SYT16: variants seen among roughly 807,000 people sequenced by gnomAD.
The protein encoded by SYT16 is synaptotagmin-16.
SYT16 carries 42 observed loss-of-function variants against 61.4 expected under a neutral mutation model. The ratio of observed to expected loss-of-function variants is 0.68; its 90% confidence interval spans 0.53 to 0.89. The LOEUF is 0.89. Ranked by LOEUF, SYT16 falls within the 40% of genes least tolerant of loss-of-function variation. SYT16 has a pLI of 0.00. For missense variants in SYT16, 804 were observed against 807.3 expected, an observed-to-expected ratio of 1.00 and a Z score of 0.05; for synonymous variants, 314 against 302.3, an observed-to-expected ratio of 1.04 and a Z score of -0.40.
intron 1 of SYT16, among the ~76,000 whole-genome samples, chr14:61,864,036 A>C (rs1231721202): frequency 2.6e-5 from 4 of 152,220 alleles, no homozygotes; most frequent in Non-Finnish European, 4.4e-5. Context: ...GGGTAGTATC[A>C]GTCCTCCAAC....
intron 1 of SYT16, among the ~76,000 whole-genome samples, chr14:61,842,738 A>G (rs2046334142): frequency 6.6e-6 from 1 of 150,896 alleles, no homozygotes; most frequent in Admixed American, 6.6e-5. Context: ...GAACACATGG[A>G]CACAGGAAGG....
At chr14:61,831,916 G>A in intron 1 of SYT16, 2 of 508,414 alleles carry the variant, frequency 3.9e-6, no homozygotes, top group Non-Finnish European at 7.6e-6. Flanking sequence ...AGCCCTGCAG[G>A]GGTTCACCTC....
At chr14:62,079,852 T>A (rs8006191) in intron 5 of SYT16, among the ~76,000 whole-genome samples, 74,170 of 152,010 alleles carry the variant, frequency 0.49, 19,642 homozygotes, top group African/African-American at 0.7. Context: ...AGTGGCTGCA[T>A]GTAAATTGCT....
chr14:61,827,032 C>A (rs188992278), intron 1 of SYT16, among the ~76,000 whole-genome samples: 1 of 150,760 alleles, frequency 6.6e-6, no homozygotes, highest in Admixed American at 6.6e-5. Context: ...ATTTGAACTA[C>A]CTCTTTAAAG....
intron 2 of SYT16, among the ~76,000 whole-genome samples, chr14:61,993,817 T>G (rs887304308): frequency 1.3e-5 from 2 of 152,210 alleles, no homozygotes; most frequent in African/African-American, 2.4e-5. Flanking sequence ...ACTGAGTACA[T>G]AATATATGCT....
At chr14:61,825,273 G>A (rs1224956823) in intron 1 of SYT16, among the ~76,000 whole-genome samples, 1 of 152,170 alleles carries the variant, frequency 6.6e-6, no homozygotes, top group African/African-American at 2.4e-5. Flanking sequence ...CCCCCTCTTG[G>A]TATTTGTAGA....
intron 1 of SYT16, among the ~76,000 whole-genome samples, chr14:61,857,679 C>T (rs2140281095): frequency 6.6e-6 from 1 of 152,154 alleles, no homozygotes; most frequent in East Asian, 1.9e-4. Flanking sequence ...ATAGCATGTA[C>T]AGTGATAGGA....
intron 3 of SYT16, among the ~76,000 whole-genome samples, chr14:62,028,749 GAAAT>G (rs1405291650): frequency 4.6e-5 from 7 of 152,086 alleles, no homozygotes; most frequent in South Asian, 2.1e-4. Flanking sequence ...AACTAGTGCT[GAAAT>G]AAATACTCTT....
chr14:61,906,319 G>T (rs1365730846), intron 1 of SYT16, among the ~76,000 whole-genome samples: 1 of 152,084 alleles, frequency 6.6e-6, no homozygotes, highest in Non-Finnish European at 1.5e-5. Flanking sequence ...GTCTTTCTCT[G>T]TTACCCAGGC....
At chr14:62,077,251 C>G (rs2056529100) in intron 5 of SYT16, among the ~76,000 whole-genome samples, 1 of 152,200 alleles carries the variant, frequency 6.6e-6, no homozygotes, top group East Asian at 1.9e-4. Context: ...ATCTTTAAAC[C>G]TACCTGGGTT....
At chr14:62,034,821 G>A (rs1196693661) in intron 3 of SYT16, among the ~76,000 whole-genome samples, 6 of 152,118 alleles carry the variant, frequency 3.9e-5, no homozygotes, top group African/African-American at 1.4e-4. Flanking sequence ...GTACAACATT[G>A]TACTGTATAC....
In SYT16 at chr14:61,905,759, TTC is replaced by T. The variant is rs201720847; in HGVS notation, c.-324-64371_-324-64370del. ...TCTGCTGCAATTGGACTTCTTCTTC[TTC>T]TTTTTTTTTTTTTTGGGGATAAATC... On this transcript the variant is annotated intron_variant, in intron 1 of 7. Coordinates refer to ENST00000683842, the MANE Select transcript of SYT16 (RefSeq NM_001367656.1). 1.2e-3 allele frequency among the ~76,000 whole-genome samples: 12 copies of T among 10,352 alleles called. 1 individual carries two copies. The South Asian group carries it at 0.058, about 50-fold the overall frequency. The allele number at this position is 10,352 out of a possible 152,430, so 6.8% of individuals were successfully genotyped here.
At chr14:61,941,564 A>G (rs1406974025) in intron 1 of SYT16, among the ~76,000 whole-genome samples, 1 of 152,182 alleles carries the variant, frequency 6.6e-6, no homozygotes, top group Non-Finnish European at 1.5e-5. Context: ...CCTCCATGAG[A>G]TAAAGCCTTC....
chr14:61,944,365 C>T (rs560421418), intron 1 of SYT16, among the ~76,000 whole-genome samples: 264 of 152,206 alleles, frequency 1.7e-3, no homozygotes, highest in African/African-American at 4.8e-3. Flanking sequence ...ACTTTCTTCA[C>T]GGAATTAGAA....
At chr14:61,890,938 C>G (rs2048100684) in intron 1 of SYT16, among the ~76,000 whole-genome samples, 1 of 152,074 alleles carries the variant, frequency 6.6e-6, no homozygotes, top group South Asian at 2.1e-4. Flanking sequence ...ATGAAATATT[C>G]TGGGGAAATA....
rs377092097 is a variant in SYT16 at position 62,075,181 on chromosome 14, C to T, written c.783C>T (p.Tyr261=). 30 of 1,612,576 alleles carry T rather than the reference C, an allele frequency of 1.9e-5. No individual in the cohort carries two copies. The highest frequency in any genetic ancestry group is 4.4e-5 in the South Asian group (4 of 90,896). ...SQRRYSENLS[Y]GEDDHIPAHS... ...GGCGTTATTCTGAGAATCTCTCCTA[C>T]GGTGAAGATGACCACATCCCTGCTC... The change falls in exon 5 of 8, where the codon TAC becomes TAT. Residue 261 remains tyrosine, a synonymous_variant. Transcript: ENST00000683842.
chr14:61,965,873 A>G (rs1258338882), intron 1 of SYT16, among the ~76,000 whole-genome samples: 1 of 152,156 alleles, frequency 6.6e-6, no homozygotes, highest in East Asian at 1.9e-4. Flanking sequence ...GCTTCCAGGA[A>G]AAATGAACAA....
chr14:62,039,283 G>C (rs562335438), intron 3 of SYT16, among the ~76,000 whole-genome samples: 1 of 152,302 alleles, frequency 6.6e-6, no homozygotes, highest in South Asian at 2.1e-4. Context: ...GTGTTGAAAA[G>C]ACAAGGCATG....
intron 2 of SYT16, among the ~76,000 whole-genome samples, chr14:61,989,657 A>T (rs1290061131): frequency 6.6e-6 from 1 of 152,178 alleles, no homozygotes; most frequent in East Asian, 1.9e-4. Flanking sequence ...TCTTACTAGG[A>T]TCTCATTCTC....
Sources: allele counts gnomAD v4.1 joint callset (sites outside exome capture counted in the v4.1 genomes callset), GRCh38; gene constraint gnomAD v4.1.1; transcripts MANE v1.5; gene names NCBI Gene and HGNC (gene_info 2026-07-23, HGNC 2026-07-21).